The following SHB variants were observed in gnomAD, a reference collection of about 807,000 sequenced individuals.
SHB encodes SH2 domain-containing adapter protein B.
Under a neutral mutation model 52.3 loss-of-function variants are expected in SHB, and 20 were observed. The ratio of observed to expected loss-of-function variants is 0.38; its 90% confidence interval spans 0.27 to 0.56. The LOEUF (loss-of-function observed/expected upper bound fraction) is 0.56, where lower values mean the gene tolerates loss of function less well. Ranked by LOEUF, SHB falls within the 20% of genes least tolerant of loss-of-function variation. SHB has a pLI of 0.71. For synonymous variants in SHB, 397 were observed against 316.5 expected (o/e 1.25, Z -2.70); for missense variants, 825 against 723.3 (o/e 1.14, Z -1.61).
intron 3 of SHB, among the ~76,000 whole-genome samples, chr9:37,961,861 C>T (rs1832695368): frequency 2.0e-5 from 3 of 152,202 alleles, no homozygotes; most frequent in African/African-American, 7.2e-5. Flanking sequence ...GGTGTCTTCT[C>T]AGAATTGGAC....
chr9:38,007,328 G>A (rs781402973), intron 2 of SHB, among the ~76,000 whole-genome samples: 2 of 152,202 alleles, frequency 1.3e-5, no homozygotes, highest in Non-Finnish European at 2.9e-5. Flanking sequence ...AATATTTACT[G>A]GGCCCAGAAG....
intron 5 of SHB, among the ~76,000 whole-genome samples, chr9:37,937,691 G>A (rs539256100): frequency 6.6e-5 from 10 of 152,336 alleles, no homozygotes; most frequent in Non-Finnish European, 1.5e-5. Context: ...CTGCGGGAGC[G>A]AAGACAAGGG....
In SHB at chr9:38,033,678, T is replaced by C. The variant is rs150794415; in HGVS notation, c.718-17547A>G. Among the ~76,000 whole-genome samples, 16 of 152,300 alleles carry C rather than the reference T, an allele frequency of 1.1e-4. No individual in the cohort carries two copies. In the East Asian group the frequency reaches 2.9e-3, roughly 28 times the overall value. ...GTGGGCAACAGGATAAAACAGGTGGTCCCGAGTTTCCCATCTATCCTGGGT... is the reference window on the plus strand; with the variant it reads ...GTGGGCAACAGGATAAAACAGGTGGCCCCGAGTTTCCCATCTATCCTGGGT... On this transcript the variant is annotated intron_variant, in intron 1 of 5. Coordinates refer to ENST00000377707, the MANE Select transcript of SHB (RefSeq NM_003028.3).
chr9:37,942,916 G>A (rs1283678203), intron 5 of SHB, among the ~76,000 whole-genome samples: 1 of 152,034 alleles, frequency 6.6e-6, no homozygotes, highest in Non-Finnish European at 1.5e-5. Context: ...GGGATCACTG[G>A]GGGGACAGGG....
At chr9:37,997,578 T>C (rs2118030991) in intron 2 of SHB, among the ~76,000 whole-genome samples, 1 of 152,328 alleles carries the variant, frequency 6.6e-6, no homozygotes, top group South Asian at 2.1e-4. Context: ...ATCTCATTTA[T>C]GTCAATCTCT....
chr9:37,948,572 G>A (rs538744098), intron 5 of SHB, 63 bp downstream of exon 5: 39 of 1,588,470 alleles, frequency 2.5e-5, no homozygotes, highest in East Asian at 6.7e-5. Context: ...CCACAGACAC[G>A]GTGGCCGGCT....
intron 1 of SHB, among the ~76,000 whole-genome samples, chr9:38,051,078 C>T (rs998207704): frequency 6.6e-6 from 1 of 152,162 alleles, no homozygotes; most frequent in East Asian, 1.9e-4. Context: ...AGTTTCTCTG[C>T]CTTTTCAAAA....
intron 2 of SHB, 80 bp from the exon 3 acceptor site, chr9:37,974,917 A>G: frequency 1.7e-6 from 2 of 1,206,304 alleles, no homozygotes; most frequent in Non-Finnish European, 1.2e-6. Flanking sequence ...AAACACCACA[A>G]ACTCAGAGCT....
At chr9:37,948,075 C>T (rs1421947221) in intron 5 of SHB, among the ~76,000 whole-genome samples, 2 of 152,198 alleles carry the variant, frequency 1.3e-5, no homozygotes, top group Non-Finnish European at 2.9e-5. Context: ...TCCAAAGCTG[C>T]GATAGGCAGT....
At chr9:38,045,470 G>A (rs527240133) in intron 1 of SHB, among the ~76,000 whole-genome samples, 150 of 151,090 alleles carry the variant, frequency 9.9e-4, no homozygotes, top group Admixed American at 2.0e-3. Flanking sequence ...AAAATTAGCC[G>A]ATAGGTGGCG....
chr9:38,019,171 G>A (rs1289193974), intron 1 of SHB, among the ~76,000 whole-genome samples: 5 of 152,218 alleles, frequency 3.3e-5, no homozygotes, highest in African/African-American at 7.2e-5. Flanking sequence ...CTTAGTCAGT[G>A]AGCCACGTCA....
rs529137862 is a variant in SHB at position 37,989,080 on chromosome 9, C to A, written c.839-14243G>T. 7.2e-3 allele frequency among the ~76,000 whole-genome samples: 917 copies of A among 126,580 alleles called. 12 individuals carry two copies. Among genetic ancestry groups the A allele is most frequent in the African/African-American group, 0.025 (879 of 34,876 alleles). The allele number at this position is 126,580 out of a possible 152,430, so 83.0% of individuals were successfully genotyped here. A position where few individuals can be genotyped will look rare whatever the true frequency, so the allele number is the denominator to read the frequency against. ...AAATCTCTCTGCACATGCACATACA[C>A]ACACACACACTCTCTCTCACACACA... is the stretch of plus-strand genomic sequence containing the variant. On this transcript the variant is annotated intron_variant, in intron 2 of 5. Transcript: ENST00000377707.
intron 2 of SHB, among the ~76,000 whole-genome samples, chr9:37,984,409 T>A (rs967300342): frequency 6.6e-6 from 1 of 152,212 alleles, no homozygotes; most frequent in Non-Finnish European, 1.5e-5. Flanking sequence ...GGTCAGCTCT[T>A]GTACGTAACG....
intron 1 of SHB, among the ~76,000 whole-genome samples, chr9:38,030,079 C>T (rs1436738972): frequency 6.6e-6 from 1 of 152,176 alleles, no homozygotes; most frequent in Admixed American, 6.5e-5. Flanking sequence ...GCAGTCTGCC[C>T]TAAACCACAA....
Position 38,060,364 on chromosome 9 carries a change from A to G in SHB, c.717+7565T>C, listed in dbSNP as rs143520516. ...TAATTTTTGTATTTTTAATAGAGACAGTGTTTCACCATGTTGGCCAGGCTG... is the reference window on the plus strand; with the variant it reads ...TAATTTTTGTATTTTTAATAGAGACGGTGTTTCACCATGTTGGCCAGGCTG... On this transcript the variant is annotated intron_variant, in intron 1 of 5. Transcript: ENST00000377707. 6.5e-3 allele frequency among the ~76,000 whole-genome samples: 988 copies of G among 152,180 alleles called. 13 individuals carry two copies. Among genetic ancestry groups the G allele is most frequent in the African/African-American group, 0.02 (850 of 41,510 alleles).
chr9:37,957,347 T>C (rs1251840259), intron 3 of SHB, among the ~76,000 whole-genome samples: 1 of 152,232 alleles, frequency 6.6e-6, no homozygotes, highest in African/African-American at 2.4e-5. Flanking sequence ...ACCTCAGCGC[T>C]GGCGGGGTAA....
intron 1 of SHB, among the ~76,000 whole-genome samples, chr9:38,058,237 C>G (rs1821845524): frequency 6.6e-6 from 1 of 152,218 alleles, no homozygotes; most frequent in African/African-American, 2.4e-5. Context: ...GACGGTTTTC[C>G]CCATTTCCTC....
At chr9:38,027,922 C>G (rs1821365142) in intron 1 of SHB, among the ~76,000 whole-genome samples, 1 of 150,582 alleles carries the variant, frequency 6.6e-6, no homozygotes, top group South Asian at 2.1e-4. Flanking sequence ...GGAGCTGAGC[C>G]AAGAGGTCTC....
At chr9:38,037,463 TTCTA>T (rs1338659505) in intron 1 of SHB, among the ~76,000 whole-genome samples, 3 of 152,194 alleles carry the variant, frequency 2.0e-5, no homozygotes, top group South Asian at 2.1e-4. Context: ...CATGTTCAAA[TTCTA>T]TCTAACCTCC....
Sources: gnomAD v4.1 joint callset for allele counts (sites outside exome capture counted in the v4.1 genomes callset) on GRCh38, gnomAD v4.1.1 for gene constraint, MANE v1.5 for transcripts, NCBI Gene and HGNC (gene_info 2026-07-23, HGNC 2026-07-21) for gene names.